The following RSU1 variants were observed in gnomAD, a reference collection of about 807,000 sequenced individuals.
The protein encoded by RSU1 is rsu-1.
In RSU1, 26 loss-of-function variants were observed where a neutral mutation model predicts 31.1. The ratio of observed to expected loss-of-function variants is 0.84; its 90% CI spans 0.61 to 1.16. The LOEUF (loss-of-function observed/expected upper bound fraction) is 1.16. Ranked by LOEUF, RSU1 falls within the 50% of genes most tolerant of loss-of-function variation. The probability of loss-of-function intolerance (pLI) is 0.00; values close to 1 mark genes in which losing one functional copy is unlikely to be tolerated. For missense variants in RSU1, 320 were observed against 339.1 expected (o/e 0.94, Z 0.44); for synonymous variants, 164 against 136.3 (o/e 1.20, Z -1.41).
intron 2 of RSU1, among the ~76,000 whole-genome samples, chr10:16,789,991 G>C (rs1382916090): frequency 2.0e-5 from 3 of 152,146 alleles, no homozygotes; most frequent in South Asian, 4.1e-4. Flanking sequence ...GGTGAACGTT[G>C]GATCTGGCCA....
At chr10:16,614,738 T>TA (rs1241671040) in intron 8 of RSU1, among the ~76,000 whole-genome samples, 2 of 150,028 alleles carry the variant, frequency 1.3e-5, no homozygotes, top group African/African-American at 5.0e-5. Context: ...TGACAGACAA[T>TA]AAATAGACTT....
intron 8 of RSU1, among the ~76,000 whole-genome samples, chr10:16,601,580 G>A (rs1833714992): frequency 6.6e-6 from 1 of 152,088 alleles, no homozygotes; most frequent in African/African-American, 2.4e-5. Flanking sequence ...CCCGATGCAG[G>A]TGACTTCCCT....
chr10:16,661,693 T>TA (rs991167433), intron 8 of RSU1, among the ~76,000 whole-genome samples: 2 of 152,142 alleles, frequency 1.3e-5, no homozygotes, highest in African/African-American at 4.8e-5. Flanking sequence ...TCTGAGGGGG[T>TA]AGCCCCTTTG....
At chr10:16,639,355 T>C (rs1002281819) in intron 8 of RSU1, among the ~76,000 whole-genome samples, 1 of 152,218 alleles carries the variant, frequency 6.6e-6, no homozygotes, top group East Asian at 1.9e-4. Context: ...TTTCAAACGA[T>C]GGCAAAACAG....
At chr10:16,741,831 G>A (rs1281986254) in intron 7 of RSU1, among the ~76,000 whole-genome samples, 2 of 152,122 alleles carry the variant, frequency 1.3e-5, no homozygotes, top group Non-Finnish European at 2.9e-5. Flanking sequence ...GATGAGGGTG[G>A]CTTAAACCAA....
chr10:16,721,924 G>A (rs372278130), intron 7 of RSU1, among the ~76,000 whole-genome samples: 6 of 152,212 alleles, frequency 3.9e-5, no homozygotes, highest in African/African-American at 1.2e-4. Flanking sequence ...GAACAAAGCC[G>A]GCTACATAGC....
intron 8 of RSU1, among the ~76,000 whole-genome samples, chr10:16,602,603 G>A (rs1833731375): frequency 6.6e-6 from 1 of 152,218 alleles, no homozygotes; most frequent in African/African-American, 2.4e-5. Context: ...CACATTGTGT[G>A]CTATGTAAAT....
intron 8 of RSU1, among the ~76,000 whole-genome samples, chr10:16,594,598 ATATATAATATCTAT>A (rs1434224193): frequency 1.4e-5 from 2 of 146,982 alleles, no homozygotes; most frequent in East Asian, 3.9e-4. Context: ...TATATATATC[ATATATAATATCTAT>A]TATATGATAT....
intron 2 of RSU1, among the ~76,000 whole-genome samples, chr10:16,791,645 A>G (rs1255312145): frequency 6.6e-6 from 1 of 152,110 alleles, no homozygotes; most frequent in African/African-American, 2.4e-5. Flanking sequence ...CAAAAAAAAA[A>G]AAAAAAGAAA....
chr10:16,677,443 T>C (rs1035708545), intron 8 of RSU1, among the ~76,000 whole-genome samples: 3 of 152,056 alleles, frequency 2.0e-5, no homozygotes, highest in African/African-American at 4.8e-5. Context: ...AAAATAAAAA[T>C]GGGGGTAGGA....
intron 2 of RSU1, among the ~76,000 whole-genome samples, chr10:16,810,197 C>A (rs2131278005): frequency 6.6e-6 from 1 of 152,138 alleles, no homozygotes; most frequent in East Asian, 1.9e-4. Context: ...CGCCACTGCA[C>A]TCCAGCCTGG....
At chr10:16,748,563 T>C (rs1287410769) in intron 7 of RSU1, among the ~76,000 whole-genome samples, 1 of 152,266 alleles carries the variant, frequency 6.6e-6, no homozygotes, top group South Asian at 2.1e-4. Context: ...TCTATAGGAG[T>C]GCCCATTTCA....
intron 8 of RSU1, among the ~76,000 whole-genome samples, chr10:16,623,156 T>C (rs1588679577): frequency 6.6e-6 from 1 of 152,292 alleles, no homozygotes; most frequent in East Asian, 1.9e-4. Context: ...AGAATAGTTT[T>C]TCAATAGTTT....
intron 8 of RSU1, among the ~76,000 whole-genome samples, chr10:16,688,753 C>T (rs1254848502): frequency 1.3e-5 from 2 of 152,106 alleles, no homozygotes; most frequent in African/African-American, 4.8e-5. Context: ...GTAATCTCAG[C>T]GCTTTGAAAG....
intron 2 of RSU1, among the ~76,000 whole-genome samples, chr10:16,812,983 A>T (rs1173812871): frequency 1.6e-5 from 2 of 122,406 alleles, no homozygotes; most frequent in Non-Finnish European, 3.5e-5. Context: ...TATGCTGGGA[A>T]GCTTTTTTTT....
chr10:16,645,913 T>TATACACATCTATGTATATATAC, intron 8 of RSU1, among the ~76,000 whole-genome samples: 1 of 38,216 alleles, frequency 2.6e-5, no homozygotes, highest in African/African-American at 1.1e-4. Flanking sequence ...CATATATGTA[T>TATACACATCTATGTATATATAC]ATATATGTGT....
intron 7 of RSU1, among the ~76,000 whole-genome samples, chr10:16,739,677 G>A (rs186626405): frequency 7.6e-4 from 115 of 151,796 alleles, no homozygotes; most frequent in African/African-American, 2.6e-3. Flanking sequence ...GGAGTGCAAT[G>A]GTGTGATCTC....
intron 3 of RSU1, among the ~76,000 whole-genome samples, chr10:16,781,766 C>T (rs947690315): frequency 6.6e-6 from 1 of 152,134 alleles, no homozygotes; most frequent in African/African-American, 2.4e-5. Flanking sequence ...GCAGGACGAT[C>T]GCTTGAGCCC....
intron 7 of RSU1, among the ~76,000 whole-genome samples, chr10:16,719,761 G>T (rs1475867451): frequency 6.6e-6 from 1 of 152,218 alleles, no homozygotes; most frequent in African/African-American, 2.4e-5. Context: ...TGGCTGCTAT[G>T]TCTGCGCTCC....
Sources: allele counts gnomAD v4.1 joint callset (sites outside exome capture counted in the v4.1 genomes callset), GRCh38; gene constraint gnomAD v4.1.1; transcripts MANE v1.5; gene names NCBI Gene and HGNC (gene_info 2026-07-23, HGNC 2026-07-21).